The following ERICH5 variants were observed in gnomAD, a reference collection of about 807,000 sequenced individuals.
The protein encoded by ERICH5 is glutamate-rich protein 5.
A neutral mutation model predicts 28.0 loss-of-function variants in ERICH5; 24 were observed. The ratio of observed to expected loss-of-function variants is 0.86; its 90% CI spans 0.62 to 1.21. The LOEUF (loss-of-function observed/expected upper bound fraction) is 1.21, where lower values mean the gene tolerates loss of function less well. Among genes scored for constraint, ERICH5 ranks in the 50% most tolerant of loss-of-function variants. ERICH5 has a pLI of 0.00. For synonymous variants in ERICH5, 163 were observed against 157.6 expected (o/e 1.03, Z -0.25); for missense variants, 421 against 441.2 (o/e 0.95, Z 0.41).
intron 1 of ERICH5, among the ~76,000 whole-genome samples, chr8:98,066,624 GA>G (rs1209950846): frequency 2.6e-5 from 4 of 152,028 alleles, no homozygotes; most frequent in African/African-American, 9.7e-5. Flanking sequence ...TGTTGTTATG[GA>G]AGAGATGTTA....
At chr8:98,072,219 C>G (rs1394175165) in intron 1 of ERICH5, among the ~76,000 whole-genome samples, 1 of 152,180 alleles carries the variant, frequency 6.6e-6, no homozygotes, top group Non-Finnish European at 1.5e-5. Flanking sequence ...TTTCTCCTAG[C>G]CTTTAGGGCA....
intron 1 of ERICH5, among the ~76,000 whole-genome samples, chr8:98,076,827 A>AG: frequency 6.6e-6 from 1 of 151,878 alleles, no homozygotes; most frequent in South Asian, 2.1e-4. Context: ...TGAAAAAAAA[A>AG]ATTCCCAGGT....
Position 98,091,900 on chromosome 8 carries a change from C to CTTTCTTTCTTTCCTTT in ERICH5, c.1013-1321_1013-1320insTTTCTTTCTTTCCTTT. Among the ~76,000 whole-genome samples, 271 of 74,658 alleles carry CTTTCTTTCTTTCCTTT rather than the reference C, an allele frequency of 3.6e-3. 2 individuals carry two copies. Among genetic ancestry groups the CTTTCTTTCTTTCCTTT allele is most frequent in the Middle Eastern group, 7.6e-3 (1 of 132 alleles). 49.0% of individuals were successfully genotyped at this position (74,658 alleles called of 152,430 possible). A position where few individuals can be genotyped will look rare whatever the true frequency, so the allele number is the denominator to read the frequency against. ...TCTTTCTTTCTTTCTTTCTTTCTTT[C>CTTTCTTTCTTTCCTTT]CTTTCTTTCTTTCTTTCTTCCTTTC... On this transcript the variant is annotated intron_variant, in intron 2 of 2. Coordinates refer to ENST00000318528, the MANE Select transcript of ERICH5 (RefSeq NM_173549.3).
intron 1 of ERICH5, among the ~76,000 whole-genome samples, chr8:98,072,238 G>A (rs976534913): frequency 1.3e-5 from 2 of 152,196 alleles, no homozygotes; most frequent in African/African-American, 4.8e-5. Flanking sequence ...CAGCCAGGTG[G>A]GATCCTGACA....
chr8:98,073,073 T>C (rs1235752533), intron 1 of ERICH5, among the ~76,000 whole-genome samples: 2 of 152,082 alleles, frequency 1.3e-5, no homozygotes, highest in Admixed American at 1.3e-4. Flanking sequence ...CAACATTTCA[T>C]TTCAACTGAA....
intron 2 of ERICH5, among the ~76,000 whole-genome samples, chr8:98,091,892 C>CT (rs1376791054): frequency 0.016 from 860 of 52,828 alleles, 20 homozygotes; most frequent in South Asian, 0.05. Context: ...TTCTTTCTTT[C>CT]TTTCTTTCCT....
In ERICH5 at chr8:98,089,777, C is replaced by T. The variant is rs1815348380; in HGVS notation, c.760C>T (p.Gln254Ter). 1.2e-6 allele frequency: 2 copies of T among 1,613,992 alleles called. No homozygotes were observed. Among genetic ancestry groups the T allele is most frequent in the African/African-American group, 2.7e-5 (2 of 74,932 alleles). The change falls in exon 2 of 3, where the codon CAG becomes TAG. Residue 254 changes from glutamine (Q) to a stop codon, truncating the protein, a stop_gained. Coordinates refer to ENST00000318528, the MANE Select transcript of ERICH5 (RefSeq NM_173549.3). LOFTEE classifies it high-confidence loss of function. ...QLQATLGKEE[Q>*]PQLLERIPKE... ...TCAGGCAACATTGGGAAAAGAGGAG[C>T]AGCCCCAGCTTCTAGAAAGAATTCC...
chr8:98,093,279 T>C lies in ERICH5; in HGVS notation c.1071T>C (p.Ala357=). Residue 357 remains alanine (A), a synonymous_variant, in exon 3 of 3, where the codon GCT becomes GCC. Transcript: ENST00000318528. The part of the protein sequence containing the change: ...DMENEKVSEG[A]ETKEEETGEV... ...AGAATGAGAAAGTGAGTGAAGGGGC[T>C]GAAACCAAAGAAGAAGAAACAGGAG... 2 of 1,613,988 alleles carry C rather than the reference T, an allele frequency of 1.2e-6. No individual in the cohort carries two copies. The highest frequency in any genetic ancestry group is 1.7e-6 in the Non-Finnish European group (2 of 1,179,946).
intron 1 of ERICH5, among the ~76,000 whole-genome samples, chr8:98,082,345 G>C (rs1333747874): frequency 2.6e-5 from 4 of 152,062 alleles, no homozygotes; most frequent in African/African-American, 9.7e-5. Context: ...AGTAAAATTG[G>C]GAAAGTTACA....
chr8:98,093,139 C>T, intron 2 of ERICH5, 82 bp from the exon 3 acceptor site: 2 of 890,682 alleles, frequency 2.2e-6, no homozygotes, highest in African/African-American at 1.7e-5. Context: ...CAAGAACTGC[C>T]CCCATTGGAG....
intron 1 of ERICH5, among the ~76,000 whole-genome samples, chr8:98,070,466 G>A (rs760158810): frequency 6.6e-6 from 1 of 151,574 alleles, no homozygotes. Context: ...AGACCAGCCT[G>A]ACCAACATGG....
chr8:98,089,278 C>CT lies in ERICH5; in HGVS notation c.261_262insT (p.Val88CysfsTer61), dbSNP rs1563758437. 1 of 1,614,198 alleles carries CT rather than the reference C, an allele frequency of 6.2e-7. No homozygotes were observed. The highest frequency in any genetic ancestry group is 8.5e-7 in the Non-Finnish European group (1 of 1,180,024). On this transcript the variant is annotated frameshift_variant, in exon 2 of 3. Coordinates refer to ENST00000318528, the MANE Select transcript of ERICH5 (RefSeq NM_173549.3). LOFTEE classifies it high-confidence loss of function. ...TCCAAGAACAGCCCCTGGCCAAGGACGTAGCCCCTGGAAGGGATGCCACAG... is the reference window on the plus strand; with the variant it reads ...TCCAAGAACAGCCCCTGGCCAAGGACTGTAGCCCCTGGAAGGGATGCCACAG...
intron 1 of ERICH5, among the ~76,000 whole-genome samples, chr8:98,087,841 G>T (rs1815308937): frequency 6.6e-6 from 1 of 151,610 alleles, no homozygotes; most frequent in African/African-American, 2.4e-5. Context: ...TTTTTTCATG[G>T]TATAATAATA....
chr8:98,080,923 G>A (rs1459280650), intron 1 of ERICH5, among the ~76,000 whole-genome samples: 5 of 151,776 alleles, frequency 3.3e-5, no homozygotes, highest in African/African-American at 1.2e-4. Context: ...CAGGCTGGTC[G>A]AACTCTTGAC....
intron 1 of ERICH5, among the ~76,000 whole-genome samples, chr8:98,079,166 C>CTTTTTTTTTTTTTT (rs528062932): frequency 7.9e-5 from 6 of 75,568 alleles, no homozygotes; most frequent in Non-Finnish European, 8.3e-5. Context: ...TTTTTTTTTC[C>CTTTTTTTTTTTTTT]TTTTTTTTTT....
At chr8:98,064,779 TA>T in intron 1 of ERICH5, 52 bp downstream of exon 1, 1 of 1,477,812 alleles carries the variant, frequency 6.8e-7, no homozygotes, top group South Asian at 1.2e-5. Context: ...TCGGGTGGGC[TA>T]ACTCCCCAGG....
intron 2 of ERICH5, among the ~76,000 whole-genome samples, chr8:98,092,887 T>C (rs145790482): frequency 3.9e-5 from 6 of 151,936 alleles, no homozygotes; most frequent in African/African-American, 1.5e-4. Context: ...GTGATTCTCT[T>C]GCCTCAGCCC....
At chr8:98,068,272 A>C (rs1814852996) in intron 1 of ERICH5, among the ~76,000 whole-genome samples, 1 of 152,178 alleles carries the variant, frequency 6.6e-6, no homozygotes, top group Admixed American at 6.5e-5. Flanking sequence ...TAGACACTGA[A>C]TCTCACGGAG....
rs1156488349 is a variant in ERICH5 at position 98,089,733 on chromosome 8, C to G, written c.716C>G (p.Thr239Arg). ...EILEGSQFVE[T>R]AEEQQLQATL... ...TTGGAAGGAAGTCAGTTTGTGGAAA[C>G]AGCTGAAGAGCAGCAACTTCAGGCA... Residue 239 changes from threonine (T) to arginine (R), a missense_variant, in exon 2 of 3, where the codon ACA (threonine) becomes AGA (arginine). Physicochemically the swap from Thr to Arg is moderately conservative, Grantham distance 71. Coordinates refer to ENST00000318528, the MANE Select transcript of ERICH5 (RefSeq NM_173549.3). 3 of 1,614,012 alleles carry G rather than the reference C, an allele frequency of 1.9e-6. No individual in the cohort carries two copies. Among genetic ancestry groups the G allele is most frequent in the Non-Finnish European group, 2.5e-6 (3 of 1,180,022 alleles).
Sources: gnomAD v4.1 joint callset for allele counts (sites outside exome capture counted in the v4.1 genomes callset) on GRCh38, gnomAD v4.1.1 for gene constraint, MANE v1.5 for transcripts, NCBI Gene and HGNC (gene_info 2026-07-23, HGNC 2026-07-21) for gene names.